Variants in BACE2 observed in about 807,000 individuals in gnomAD.
BACE2 encodes the protein 56 kDa aspartic-like protease.
A neutral mutation model predicts 46.2 loss-of-function variants in BACE2; 17 were observed. The ratio of observed to expected loss-of-function variants is 0.37; its 90% CI spans 0.25 to 0.55. BACE2 has a LOEUF of 0.55. BACE2 is among the 20% of genes least tolerant of loss of function. The pLI is 0.82. For missense variants in BACE2, 595 were observed against 698.1 expected (o/e 0.85, Z 1.66); for synonymous variants, 277 against 295.9 (o/e 0.94, Z 0.66).
At chr21:41,215,953 A>G (rs545491329) in intron 1 of BACE2, among the ~76,000 whole-genome samples, 3 of 152,322 alleles carry the variant, frequency 2.0e-5, no homozygotes, top group Middle Eastern at 6.8e-3. Context: ...AGAGGCAGGA[A>G]ATAATTTTGG....
rs2088544819 is a variant in BACE2, at chr21:41,281,220, T to G, written c.*5596T>G. ...AAGTCCAAACTGTGTAGAACACACGTGTGCCTCACACATAGCCATCTGAGT... is the reference window on the plus strand; with the variant it reads ...AAGTCCAAACTGTGTAGAACACACGGGTGCCTCACACATAGCCATCTGAGT... On this transcript the variant is annotated 3_prime_UTR_variant, in exon 9 of 9. Coordinates refer to ENST00000330333, the MANE Select transcript of BACE2 (RefSeq NM_012105.5). 6.6e-6 allele frequency: 1 copy of G among 152,216 alleles called. No homozygotes were observed. Among genetic ancestry groups the G allele is most frequent in the South Asian group, 2.1e-4 (1 of 4,822 alleles). 9.4% of individuals were successfully genotyped at this position (152,216 alleles called of 1,614,324 possible). A position where few individuals can be genotyped will look rare whatever the true frequency, so the allele number is the denominator to read the frequency against.
At chr21:41,188,389 A>G (rs1474798669) in intron 1 of BACE2, among the ~76,000 whole-genome samples, 3 of 152,188 alleles carry the variant, frequency 2.0e-5, no homozygotes, top group Non-Finnish European at 4.4e-5. Context: ...AGGGTGTTCC[A>G]TGGTTGGCAG....
chr21:41,254,225 C>T (rs1269273946), intron 7 of BACE2, among the ~76,000 whole-genome samples: 1 of 152,180 alleles, frequency 6.6e-6, no homozygotes, highest in Non-Finnish European at 1.5e-5. Flanking sequence ...TCCTATGTGG[C>T]CTGTTAAAAA....
intron 1 of BACE2, among the ~76,000 whole-genome samples, chr21:41,217,793 G>A (rs956486146): frequency 2.6e-5 from 4 of 152,250 alleles, no homozygotes; most frequent in African/African-American, 4.8e-5. Flanking sequence ...CCTGGAGGCC[G>A]GCAAGCCTTG....
chr21:41,269,272 T>C (rs2088411923), intron 8 of BACE2, among the ~76,000 whole-genome samples: 1 of 152,216 alleles, frequency 6.6e-6, no homozygotes, highest in African/African-American at 2.4e-5. Flanking sequence ...TCTTTTCTAA[T>C]CTCAATGAGA....
At chr21:41,215,201 A>G (rs954038017) in intron 1 of BACE2, among the ~76,000 whole-genome samples, 3 of 152,156 alleles carry the variant, frequency 2.0e-5, no homozygotes, top group African/African-American at 7.2e-5. Context: ...CCACTGCTGG[A>G]TGCTTGACCG....
At chr21:41,255,736 C>T (rs1987768062) in intron 7 of BACE2, among the ~76,000 whole-genome samples, 2 of 151,544 alleles carry the variant, frequency 1.3e-5, no homozygotes, top group Non-Finnish European at 1.5e-5. Flanking sequence ...TAAACTCTGA[C>T]TTTTTTTTTA....
intron 1 of BACE2, among the ~76,000 whole-genome samples, chr21:41,201,594 A>C (rs1030262871): frequency 6.6e-6 from 1 of 152,194 alleles, no homozygotes; most frequent in Non-Finnish European, 1.5e-5. Context: ...TCCTCAGGGG[A>C]GAGAAGGTTT....
At chr21:41,248,046 A>G (rs1043686548) in intron 6 of BACE2, among the ~76,000 whole-genome samples, 1 of 152,002 alleles carries the variant, frequency 6.6e-6, no homozygotes, top group Non-Finnish European at 1.5e-5. Context: ...GGGATTCTAG[A>G]AATTAAGGGT....
chr21:41,198,160 G>T (rs60303856), intron 1 of BACE2, among the ~76,000 whole-genome samples: 7,053 of 151,890 alleles, frequency 0.046, 553 homozygotes, highest in African/African-American at 0.16. Context: ...CCCAGCTGAT[G>T]TTTGTATTTT....
In BACE2 at chr21:41,257,235, G is replaced by T. The variant is rs764727127; in HGVS notation, c.1212G>T (p.Ala404=). The change falls in exon 8 of 9, where the codon GCG becomes GCT. Residue 404 remains alanine, a synonymous_variant. Coordinates refer to ENST00000330333, the MANE Select transcript of BACE2 (RefSeq NM_012105.5). ...TCGGCATTTCCCCATCCACAAATGC[G>T]CTGGTGATCGGTGCCACGGTGATGG... The part of the protein sequence containing the change: ...YRFGISPSTN[A]LVIGATVMEG... 8 of 1,614,200 alleles carry T rather than the reference G, an allele frequency of 5.0e-6. No individual in the cohort carries two copies. Among genetic ancestry groups the T allele is most frequent in the Non-Finnish European group, 6.8e-6 (8 of 1,180,032 alleles).
intron 1 of BACE2, among the ~76,000 whole-genome samples, chr21:41,195,575 C>T (rs765974954): frequency 3.9e-5 from 6 of 152,186 alleles, no homozygotes; most frequent in Non-Finnish European, 7.3e-5. Context: ...TACAAAACTT[C>T]CTGCCCCTCA....
At chr21:41,206,309 C>G (rs151115769) in intron 1 of BACE2, among the ~76,000 whole-genome samples, 22 of 152,224 alleles carry the variant, frequency 1.4e-4, no homozygotes, top group African/African-American at 5.1e-4. Context: ...GGCACTAATC[C>G]CATCCATGAG....
At chr21:41,228,463 G>A (rs1250129141) in intron 2 of BACE2, among the ~76,000 whole-genome samples, 1 of 152,202 alleles carries the variant, frequency 6.6e-6, no homozygotes, top group Non-Finnish European at 1.5e-5. Flanking sequence ...TGGTTCTGCA[G>A]GCTGTACAAG....
intron 5 of BACE2, among the ~76,000 whole-genome samples, chr21:41,244,248 A>G (rs964609462): frequency 2.6e-5 from 4 of 152,182 alleles, no homozygotes; most frequent in African/African-American, 9.7e-5. Flanking sequence ...CAATTCTCAT[A>G]TATGCAGGTA....
intron 8 of BACE2, among the ~76,000 whole-genome samples, chr21:41,260,711 A>G (rs143613375): frequency 6.6e-6 from 1 of 152,246 alleles, no homozygotes; most frequent in Non-Finnish European, 1.5e-5. Flanking sequence ...TCATCACCTA[A>G]TCTTGGAAGC....
chr21:41,244,828 TCGAATGTC>T (rs1275257530), intron 5 of BACE2, among the ~76,000 whole-genome samples: 1 of 152,102 alleles, frequency 6.6e-6, no homozygotes, highest in East Asian at 1.9e-4. Flanking sequence ...AGTGGTAGAA[TCGAATGTC>T]CGAATGTAAA....
chr21:41,282,466 TAAGA>T lies in BACE2; in HGVS notation c.*6843_*6846del, dbSNP rs1008062622. 1.3e-5 allele frequency: 2 copies of T among 152,232 alleles called. No individual in the cohort carries two copies. The highest frequency in any genetic ancestry group is 2.9e-5 in the Non-Finnish European group (2 of 68,046). The allele number at this position is 152,232 out of a possible 1,614,324, so 9.4% of individuals were successfully genotyped here. On this transcript the variant is annotated 3_prime_UTR_variant, in exon 9 of 9. Coordinates refer to ENST00000330333, the MANE Select transcript of BACE2 (RefSeq NM_012105.5). ...TTTATACTTGTATGTTCCAGCAATT[TAAGA>T]TATATACCATTGAAAGGGAAATAAA...
At chr21:41,249,478 A>G (rs1289246827) in intron 6 of BACE2, among the ~76,000 whole-genome samples, 1 of 152,196 alleles carries the variant, frequency 6.6e-6, no homozygotes, top group Non-Finnish European at 1.5e-5. Flanking sequence ...CCCTCTGCAG[A>G]TGAAATGTGG....
Sources: allele counts gnomAD v4.1 joint callset (sites outside exome capture counted in the v4.1 genomes callset), GRCh38; gene constraint gnomAD v4.1.1; transcripts MANE v1.5; gene names NCBI Gene and HGNC (gene_info 2026-07-23, HGNC 2026-07-21).